The following SLC24A2 variants were observed in gnomAD, a reference collection of about 807,000 sequenced individuals.
SLC24A2 encodes the protein solute carrier family 24 member 2.
Under a neutral mutation model 62.0 loss-of-function variants are expected in SLC24A2, and 36 were observed. The observed-to-expected ratio is 0.58, with a 90% CI of 0.44 to 0.77. The LOEUF (loss-of-function observed/expected upper bound fraction) is 0.77. SLC24A2 is among the 30% of genes least tolerant of loss of function. The pLI, the probability that SLC24A2 is intolerant of heterozygous loss-of-function variation, is 0.00. For missense variants in SLC24A2, 846 were observed against 817.9 expected, an observed-to-expected ratio of 1.03 and a Z score of -0.42; for synonymous variants, 358 against 294.0, an observed-to-expected ratio of 1.22 and a Z score of -2.23.
the SLC24A2 span, among the ~76,000 whole-genome samples, chr9:20,034,027 C>G: frequency 1.3e-5 from 2 of 152,082 alleles, no homozygotes; most frequent in Non-Finnish European, 2.9e-5. Flanking sequence ...GATATTTTTC[C>G]AAACTGGACT....
At chr9:19,750,241 A>T (rs1821944598) in intron 2 of SLC24A2, among the ~76,000 whole-genome samples, 1 of 152,086 alleles carries the variant, frequency 6.6e-6, no homozygotes, top group Non-Finnish European at 1.5e-5. Context: ...GGCCACTGCA[A>T]TCTCTTTCTG....
intron 2 of SLC24A2, among the ~76,000 whole-genome samples, chr9:19,739,427 C>T (rs1247507519): frequency 6.6e-6 from 1 of 152,030 alleles, no homozygotes; most frequent in Non-Finnish European, 1.5e-5. Flanking sequence ...TAATGTATAC[C>T]ATCAGATATC....
the SLC24A2 span, among the ~76,000 whole-genome samples, chr9:20,141,690 A>G: frequency 6.6e-6 from 1 of 151,766 alleles, no homozygotes; most frequent in South Asian, 2.1e-4. Flanking sequence ...CCTTTCTAGA[A>G]ACGACGCTAC....
At chr9:19,626,359 C>T (rs1270909488) in intron 2 of SLC24A2, among the ~76,000 whole-genome samples, 1 of 152,194 alleles carries the variant, frequency 6.6e-6, no homozygotes, top group Non-Finnish European at 1.5e-5. Flanking sequence ...TTACAAATCA[C>T]ATATCAAATG....
chr9:19,907,200 A>G, the SLC24A2 span, among the ~76,000 whole-genome samples: 1 of 152,256 alleles, frequency 6.6e-6, no homozygotes, highest in Non-Finnish European at 1.5e-5. Context: ...GTAATCCAGC[A>G]TATAAACAGA....
At chr9:20,034,758 G>T in the SLC24A2 span, among the ~76,000 whole-genome samples, 1 of 152,108 alleles carries the variant, frequency 6.6e-6, no homozygotes, top group South Asian at 2.1e-4. Flanking sequence ...GTGAGCCACC[G>T]CGCCCGGCCT....
the SLC24A2 span, among the ~76,000 whole-genome samples, chr9:20,118,089 A>G: frequency 6.6e-6 from 1 of 152,174 alleles, no homozygotes; most frequent in East Asian, 1.9e-4. Flanking sequence ...GCCTTAGGAT[A>G]AAGAGTAAGT....
intron 10 of SLC24A2, among the ~76,000 whole-genome samples, chr9:19,517,855 A>C (rs1833002159): frequency 6.7e-6 from 1 of 150,180 alleles, no homozygotes; most frequent in Admixed American, 6.7e-5. Flanking sequence ...TGGCCTGGGA[A>C]ACTCTTTTCC....
chr9:19,903,454 T>C, the SLC24A2 span, among the ~76,000 whole-genome samples: 2 of 152,128 alleles, frequency 1.3e-5, no homozygotes, highest in Non-Finnish European at 2.9e-5. Context: ...TACCACCACA[T>C]TGGGGATTAA....
At chr9:20,094,270 TAAAGTA>T in the SLC24A2 span, among the ~76,000 whole-genome samples, 4 of 152,162 alleles carry the variant, frequency 2.6e-5, no homozygotes, top group African/African-American at 9.7e-5. Context: ...AGTTGCAAGC[TAAAGTA>T]ACCACATTTT....
At chr9:20,204,387 C>A in the SLC24A2 span, among the ~76,000 whole-genome samples, 1 of 152,202 alleles carries the variant, frequency 6.6e-6, no homozygotes, top group Non-Finnish European at 1.5e-5. Context: ...GAAGAATCTA[C>A]AAGCATGGCT....
At chr9:19,618,997 C>A (rs1817840230) in intron 4 of SLC24A2, among the ~76,000 whole-genome samples, 1 of 152,164 alleles carries the variant, frequency 6.6e-6, no homozygotes, top group South Asian at 2.1e-4. Flanking sequence ...CATGTGATTA[C>A]ACTGGGAAGT....
At chr9:20,295,152 A>G in the SLC24A2 span, among the ~76,000 whole-genome samples, 3 of 152,004 alleles carry the variant, frequency 2.0e-5, no homozygotes, top group African/African-American at 7.2e-5. Flanking sequence ...CAAAATCCCT[A>G]AAGATCAAAA....
At chr9:20,147,696 A>C in the SLC24A2 span, among the ~76,000 whole-genome samples, 1 of 152,006 alleles carries the variant, frequency 6.6e-6, no homozygotes. Flanking sequence ...CCCTTCTGAA[A>C]TAAACTCACA....
At chr9:20,076,729 C>T in the SLC24A2 span, among the ~76,000 whole-genome samples, 1 of 151,648 alleles carries the variant, frequency 6.6e-6, no homozygotes, top group Non-Finnish European at 1.5e-5. Context: ...CACAAAGGGG[C>T]AGATGGAGAA....
chr9:19,924,995 C>A, the SLC24A2 span, among the ~76,000 whole-genome samples: 2 of 152,166 alleles, frequency 1.3e-5, no homozygotes, highest in Non-Finnish European at 2.9e-5. Flanking sequence ...GGGTCTTTGG[C>A]CCCAGAGCAG....
chr9:20,154,929 G>C, the SLC24A2 span, among the ~76,000 whole-genome samples: 17 of 151,634 alleles, frequency 1.1e-4, no homozygotes, highest in African/African-American at 3.4e-4. Context: ...AGTAAGGCCA[G>C]AGGGGTAAGG....
At chr9:19,690,781 C>T (rs1587159017) in intron 2 of SLC24A2, among the ~76,000 whole-genome samples, 1 of 151,964 alleles carries the variant, frequency 6.6e-6, no homozygotes, top group Non-Finnish European at 1.5e-5. Flanking sequence ...AATCCTTTTC[C>T]CCTATAATTC....
chr9:20,088,794 C>G, the SLC24A2 span, among the ~76,000 whole-genome samples: 2 of 152,260 alleles, frequency 1.3e-5, no homozygotes, highest in South Asian at 4.1e-4. Context: ...GCCTCCCCAA[C>G]TGGTGTGTTT....
Sources: allele counts gnomAD v4.1 joint callset (sites outside exome capture counted in the v4.1 genomes callset), GRCh38; gene constraint gnomAD v4.1.1; transcripts MANE v1.5; gene names NCBI Gene and HGNC (gene_info 2026-07-23, HGNC 2026-07-21).